The following UNC5D variants were observed in gnomAD, a reference collection of about 807,000 sequenced individuals.
UNC5D encodes unc-5 netrin receptor D.
UNC5D carries 39 observed loss-of-function variants against 105.4 expected under a neutral mutation model. The observed-to-expected ratio is 0.37, with a 90% CI of 0.29 to 0.48. The LOEUF is 0.48. UNC5D is among the 20% of genes least tolerant of loss of function. UNC5D has a pLI of 0.98. For missense variants in UNC5D, 991 were observed against 1,202.4 expected (o/e 0.82, Z 2.60); for synonymous variants, 452 against 450.4 (o/e 1.00, Z -0.04).
At chr8:35,561,409 A>G (rs929152221) in intron 2 of UNC5D, among the ~76,000 whole-genome samples, 1 of 152,016 alleles carries the variant, frequency 6.6e-6, no homozygotes, top group African/African-American at 2.4e-5. Context: ...ATGCTTCCCC[A>G]TCTGGCTCTA....
rs116496810 is a variant in UNC5D, at chr8:35,737,537, T to A, written c.1766+6441T>A. On this transcript the variant is annotated intron_variant, in intron 11 of 16. Coordinates refer to ENST00000404895, the MANE Select transcript of UNC5D (RefSeq NM_080872.4). ...TTAATAAAGAAGGAAAAAAGAATAT[T>A]TATAACCAGAACAAAAAATGACTGT... Among the ~76,000 whole-genome samples the A allele has an allele frequency of 5.9e-3, 895 of 152,102 alleles. 11 individuals are homozygous for A. Among genetic ancestry groups the A allele is most frequent in the African/African-American group, 0.021 (852 of 41,496 alleles).
At chr8:35,783,053 G>A (rs1802577809) in intron 16 of UNC5D, among the ~76,000 whole-genome samples, 1 of 151,962 alleles carries the variant, frequency 6.6e-6, no homozygotes, top group South Asian at 2.1e-4. Flanking sequence ...TGAGATGGGA[G>A]GATCACTTGA....
At chr8:35,734,280 C>G (rs532027732) in intron 11 of UNC5D, among the ~76,000 whole-genome samples, 1 of 149,718 alleles carries the variant, frequency 6.7e-6, no homozygotes, top group South Asian at 2.1e-4. Context: ...TGGCCTCCTC[C>G]CCTCCACAGT....
chr8:35,646,951 C>G (rs900641817), intron 4 of UNC5D, among the ~76,000 whole-genome samples: 7 of 152,166 alleles, frequency 4.6e-5, no homozygotes, highest in Non-Finnish European at 8.8e-5. Flanking sequence ...ATTCACCAAG[C>G]CTTACCACCT....
intron 1 of UNC5D, among the ~76,000 whole-genome samples, chr8:35,332,081 C>G (rs1585604003): frequency 6.6e-6 from 1 of 152,196 alleles, no homozygotes; most frequent in Non-Finnish European, 1.5e-5. Context: ...ACATTGACAT[C>G]TTCACATGTC....
chr8:35,470,754 G>A (rs1461809531), intron 1 of UNC5D, among the ~76,000 whole-genome samples: 1 of 150,168 alleles, frequency 6.7e-6, no homozygotes, highest in Non-Finnish European at 1.5e-5. Flanking sequence ...GGGCAACAGA[G>A]CAAGACTTTC....
rs564952618 is a variant in UNC5D, at chr8:35,521,234, C to G, written c.104-28058C>G. Among the ~76,000 whole-genome samples, 12 of 151,950 alleles carry G rather than the reference C, an allele frequency of 7.9e-5. No homozygotes were observed. In the East Asian group the frequency reaches 2.3e-3, roughly 29 times the overall value. On this transcript the variant is annotated intron_variant, in intron 1 of 16. Transcript: ENST00000404895. ...AGGGAGGAGGCAGAGGAGGAATAGA[C>G]GAGCATGAGAGGTGAGAGAAAATAA...
intron 1 of UNC5D, among the ~76,000 whole-genome samples, chr8:35,280,796 T>C (rs575115112): frequency 1.3e-5 from 2 of 152,346 alleles, no homozygotes; most frequent in African/African-American, 4.8e-5. Context: ...TGGACTTCTC[T>C]ATCACTGGTT....
chr8:35,395,466 CAG>C (rs1310769094), intron 1 of UNC5D, among the ~76,000 whole-genome samples: 1 of 152,176 alleles, frequency 6.6e-6, no homozygotes, highest in East Asian at 1.9e-4. Flanking sequence ...GGGGTGGAGT[CAG>C]TGTTAAAATT....
intron 1 of UNC5D, among the ~76,000 whole-genome samples, chr8:35,372,979 ACT>A (rs1488866744): frequency 6.6e-6 from 1 of 152,056 alleles, no homozygotes; most frequent in Non-Finnish European, 1.5e-5. Flanking sequence ...TGAGTGCCAA[ACT>A]CTGTTGAGTC....
chr8:35,601,901 T>A (rs1819909833), intron 4 of UNC5D, among the ~76,000 whole-genome samples: 1 of 152,168 alleles, frequency 6.6e-6, no homozygotes, highest in African/African-American at 2.4e-5. Context: ...TGCTTCCAGT[T>A]TTTGTCCATT....
At position 35,514,474 on chromosome 8, in the gene UNC5D, T is replaced by A. The variant is rs137881922; in HGVS notation, c.104-34818T>A. On this transcript the variant is annotated intron_variant, in intron 1 of 16. Coordinates refer to ENST00000404895, the MANE Select transcript of UNC5D (RefSeq NM_080872.4). ...CAGGAAGAGTCAAAGCCCAGCGCAT[T>A]TCTAGGCTGGCTTGTGTACAACATT... Among the ~76,000 whole-genome samples, 3 of 152,298 alleles carry A rather than the reference T, an allele frequency of 2.0e-5. No individual in the cohort carries two copies. The East Asian group carries it at 5.8e-4, about 29-fold the overall frequency.
intron 1 of UNC5D, among the ~76,000 whole-genome samples, chr8:35,471,194 C>T (rs1233874378): frequency 6.6e-6 from 1 of 152,048 alleles, no homozygotes; most frequent in East Asian, 1.9e-4. Flanking sequence ...AACTGTTTAG[C>T]CACTAACAAC....
chr8:35,387,361 T>TGAAAA (rs1803475433), intron 1 of UNC5D, among the ~76,000 whole-genome samples: 1 of 43,138 alleles, frequency 2.3e-5, no homozygotes, highest in Non-Finnish European at 4.2e-5. Flanking sequence ...AGACTCCATC[T>TGAAAA]CAAAAAAAAA....
rs966966304 is a variant in UNC5D, at chr8:35,705,865, A to G, written c.1085-64A>G. Reference sequence around the variant, plus strand: ...GAGGTAGATATAAAGTGAAACAGGAAATATATCTGCTCCATGTAAATTTAT... The same window carrying G: ...GAGGTAGATATAAAGTGAAACAGGAGATATATCTGCTCCATGTAAATTTAT... On this transcript the variant is annotated intron_variant, in intron 7 of 16. Coordinates refer to ENST00000404895, the MANE Select transcript of UNC5D (RefSeq NM_080872.4). 25 of 1,054,358 alleles carry G rather than the reference A, an allele frequency of 2.4e-5. No individual in the cohort carries two copies. In the African/African-American group the frequency reaches 3.9e-4, roughly 16 times the overall value. 65.3% of individuals were successfully genotyped at this position (1,054,358 alleles called of 1,614,324 possible).
intron 1 of UNC5D, among the ~76,000 whole-genome samples, chr8:35,479,782 G>T (rs1169705378): frequency 6.6e-6 from 1 of 152,092 alleles, no homozygotes; most frequent in South Asian, 2.1e-4. Flanking sequence ...GCTTGGTCAG[G>T]GAAGGGAGAG....
intron 1 of UNC5D, among the ~76,000 whole-genome samples, chr8:35,354,890 C>T (rs1801461637): frequency 6.6e-6 from 1 of 152,138 alleles, no homozygotes. Context: ...TGTGACCAGT[C>T]CTTCCACATG....
chr8:35,748,331 A>T (rs1563730274), intron 11 of UNC5D, among the ~76,000 whole-genome samples, 196 bp from the exon 12 acceptor site: 1 of 152,214 alleles, frequency 6.6e-6, no homozygotes, highest in Non-Finnish European at 1.5e-5. Context: ...TTTGAAATCT[A>T]GGCTTAAACT....
rs143094896 is a variant in UNC5D, at chr8:35,663,529, G to A, written c.571-20018G>A. On this transcript the variant is annotated intron_variant, in intron 4 of 16. Transcript: ENST00000404895. Reference sequence around the variant, plus strand: ...CAAGAAAATGAAGGTGTTCTTTTTCGGTAACCATGTCTGAGAGTCTTTCTG... The same window carrying A: ...CAAGAAAATGAAGGTGTTCTTTTTCAGTAACCATGTCTGAGAGTCTTTCTG... Among the ~76,000 whole-genome samples the A allele has an allele frequency of 7.6e-3, 1,164 of 152,218 alleles. 17 individuals carry two copies. Among genetic ancestry groups the A allele is most frequent in the African/African-American group, 0.026 (1,096 of 41,534 alleles).
Sources: allele counts gnomAD v4.1 joint callset (sites outside exome capture counted in the v4.1 genomes callset), GRCh38; gene constraint gnomAD v4.1.1; transcripts MANE v1.5; gene names NCBI Gene and HGNC (gene_info 2026-07-23, HGNC 2026-07-21).